The following ATM variants were observed in gnomAD, a reference collection of about 807,000 sequenced individuals.
ATM encodes the protein ATM serine/threonine kinase.
In ATM, 308 loss-of-function variants were observed where a neutral mutation model predicts 387.0. The ratio of observed to expected loss-of-function variants is 0.80; its 90% CI spans 0.73 to 0.87. The LOEUF is 0.87. ATM is among the 40% of genes least tolerant of loss of function. The pLI, the probability that ATM is intolerant of heterozygous loss-of-function variation, is 0.00. For missense variants in ATM, 3,312 were observed against 3,560.9 expected, an observed-to-expected ratio of 0.93 and a Z score of 1.78; for synonymous variants, 1,156 against 1,187.3, an observed-to-expected ratio of 0.97 and a Z score of 0.54.
rs651030 is a variant in ATM, at chr11:108,270,974, G to T, written c.2839-90G>T. 0.42 allele frequency: 441,776 copies of T among 1,059,576 alleles called. 95,858 individuals are homozygous for T. The highest frequency in any genetic ancestry group is 0.58 in the Middle Eastern group (2,072 of 3,550). 65.6% of individuals were successfully genotyped at this position (1,059,576 alleles called of 1,614,324 possible). ...CTCCCAAAGTGCTGGGATTACAGGT[G>T]TGAGCCACTGCACCCGGCCTATGTT... On this transcript the variant is annotated intron_variant, in intron 18 of 62. Coordinates refer to ENST00000675843, the MANE Select transcript of ATM (RefSeq NM_000051.4).
At chr11:108,302,219 T>C (rs2083467683) in intron 35 of ATM, among the ~76,000 whole-genome samples, 1 of 152,130 alleles carries the variant, frequency 6.6e-6, no homozygotes, top group Admixed American at 6.5e-5. Context: ...TTTTCCATGT[T>C]GATATCGTAA....
At chr11:108,241,742 CTTTTTT>C (rs1206745957) in intron 5 of ATM, among the ~76,000 whole-genome samples, 2 of 45,364 alleles carry the variant, frequency 4.4e-5, no homozygotes. Flanking sequence ...TTCTTTCTTT[CTTTTTT>C]TTTTTTTTTT....
At chr11:108,348,412 T>C (rs988229499) in intron 59 of ATM, among the ~76,000 whole-genome samples, 1 of 150,986 alleles carries the variant, frequency 6.6e-6, no homozygotes, top group Non-Finnish European at 1.5e-5. Flanking sequence ...TATGTATATA[T>C]ATAGACAGTT....
At chr11:108,257,734 C>A in intron 15 of ATM, 128 bp downstream of exon 15, 2 of 951,126 alleles carry the variant, frequency 2.1e-6, no homozygotes, top group Non-Finnish European at 3.2e-6. Context: ...ATTCTCCTGC[C>A]TCAGCCTCCC....
intron 61 of ATM, 29 bp from the exon 62 acceptor site, chr11:108,365,052 TC>T (rs1333810950): frequency 1.2e-6 from 2 of 1,609,400 alleles, no homozygotes; most frequent in East Asian, 4.5e-5. Flanking sequence ...TGTACATTGT[TC>T]TTTTAATACA....
At chr11:108,337,432 A>G (rs1423310588) in intron 56 of ATM, among the ~76,000 whole-genome samples, 1 of 152,250 alleles carries the variant, frequency 6.6e-6, no homozygotes, top group Non-Finnish European at 1.5e-5. Context: ...GGTTAAGATC[A>G]TTGGTACTCA....
rs193278031 is a variant in ATM, at chr11:108,363,425, G to T, written c.8851-1657G>T. 3.0e-3 allele frequency among the ~76,000 whole-genome samples: 456 copies of T among 152,190 alleles called. 13 individuals carry two copies. The highest frequency in any genetic ancestry group is 7.1e-4 in the Non-Finnish European group (48 of 68,006). ...ACCATTCTCTCCTCTAAGATTTTAT[G>T]TGTTATGCTAAGGAAATATATCTCT... On this transcript the variant is annotated intron_variant, in intron 61 of 62. Coordinates refer to ENST00000675843, the MANE Select transcript of ATM (RefSeq NM_000051.4).
chr11:108,326,281 A>C (rs2136344227), intron 47 of ATM, 56 bp downstream of exon 47: 1 of 1,589,054 alleles, frequency 6.3e-7, no homozygotes, highest in Non-Finnish European at 8.6e-7. Flanking sequence ...AAAAACACAA[A>C]TGTACTTTAA....
intron 18 of ATM, among the ~76,000 whole-genome samples, chr11:108,269,979 A>G (rs531415969): frequency 1.3e-5 from 2 of 152,358 alleles, no homozygotes; most frequent in South Asian, 2.1e-4. Flanking sequence ...CAGTAACCTC[A>G]TGTACATGAC....
At chr11:108,322,842 G>T (rs1207890346) in intron 45 of ATM, among the ~76,000 whole-genome samples, 1 of 151,248 alleles carries the variant, frequency 6.6e-6, no homozygotes, top group African/African-American at 2.4e-5. Context: ...TTCGGTTTTA[G>T]CACTGCATTG....
intron 44 of ATM, among the ~76,000 whole-genome samples, chr11:108,320,769 A>G (rs2085144555): frequency 6.6e-6 from 1 of 152,184 alleles, no homozygotes; most frequent in Non-Finnish European, 1.5e-5. Context: ...TCCTCCTCAC[A>G]CATTTGAAAA....
chr11:108,240,588 G>C (rs2079506257), intron 5 of ATM, among the ~76,000 whole-genome samples: 1 of 152,114 alleles, frequency 6.6e-6, no homozygotes, highest in Non-Finnish European at 1.5e-5. Flanking sequence ...GAATACTGTA[G>C]GCAGCTGTAA....
At chr11:108,334,595 C>G (rs1357186367) in intron 54 of ATM, among the ~76,000 whole-genome samples, 2 of 152,162 alleles carry the variant, frequency 1.3e-5, no homozygotes, top group Non-Finnish European at 2.9e-5. Flanking sequence ...TGAAATGTAG[C>G]TGTATCATGT....
chr11:108,311,683 G>C (rs562384086), intron 39 of ATM, among the ~76,000 whole-genome samples: 15 of 151,626 alleles, frequency 9.9e-5, no homozygotes, highest in African/African-American at 3.6e-4. Context: ...AGGCGACAGA[G>C]CGAGACCCTA....
intron 31 of ATM, among the ~76,000 whole-genome samples, chr11:108,294,476 A>G (rs1335116198): frequency 6.6e-6 from 1 of 152,192 alleles, no homozygotes; most frequent in East Asian, 1.9e-4. Flanking sequence ...GCAGTGGCTC[A>G]CGCCTGTAAT....
chr11:108,337,428 G>A (rs776469911), intron 56 of ATM, among the ~76,000 whole-genome samples: 7 of 152,228 alleles, frequency 4.6e-5, no homozygotes, highest in Non-Finnish European at 7.3e-5. Flanking sequence ...ATGTGGTTAA[G>A]ATCATTGGTA....
chr11:108,356,344 T>G (rs1039544657), intron 61 of ATM, among the ~76,000 whole-genome samples: 3 of 152,100 alleles, frequency 2.0e-5, no homozygotes, highest in African/African-American at 7.2e-5. Flanking sequence ...AAGACCAGTT[T>G]GGCCAACATG....
intron 5 of ATM, among the ~76,000 whole-genome samples, chr11:108,236,921 A>G (rs996673433): frequency 2.0e-5 from 3 of 152,176 alleles, no homozygotes; most frequent in Non-Finnish European, 4.4e-5. Flanking sequence ...TAACAAGATG[A>G]TTTTAAGTCA....
intron 57 of ATM, among the ~76,000 whole-genome samples, chr11:108,344,944 A>C (rs1292999281): frequency 6.6e-6 from 1 of 152,024 alleles, no homozygotes; most frequent in Non-Finnish European, 1.5e-5. Flanking sequence ...CCAAAATTGC[A>C]GTGAGCTGTG....
Sources: allele counts gnomAD v4.1 joint callset (sites outside exome capture counted in the v4.1 genomes callset), GRCh38; gene constraint gnomAD v4.1.1; transcripts MANE v1.5; gene names NCBI Gene and HGNC (gene_info 2026-07-23, HGNC 2026-07-21).